The following PCCA variants were observed in gnomAD, a reference collection of about 807,000 sequenced individuals.
PCCA encodes propionyl-CoA carboxylase subunit alpha.
PCCA carries 74 observed loss-of-function variants against 101.3 expected under a neutral mutation model. The observed-to-expected ratio is 0.73, with a 90% CI of 0.61 to 0.89. The LOEUF is 0.89. PCCA is among the 40% of genes least tolerant of loss of function. PCCA has a pLI of 0.00. For missense variants in PCCA, 891 were observed against 907.0 expected (o/e 0.98, Z 0.23); for synonymous variants, 294 against 313.6 (o/e 0.94, Z 0.66).
At chr13:100,127,065 C>T (rs2050024193) in intron 4 of PCCA, among the ~76,000 whole-genome samples, 1 of 152,190 alleles carries the variant, frequency 6.6e-6, no homozygotes, top group Non-Finnish European at 1.5e-5. Flanking sequence ...GGACTGATAG[C>T]TTAAGCCACC....
chr13:100,148,787 A>T (rs1268375490), intron 4 of PCCA, among the ~76,000 whole-genome samples: 1 of 152,212 alleles, frequency 6.6e-6, no homozygotes, highest in Admixed American at 6.5e-5. Context: ...TGAAAACAGG[A>T]TTGTAGAAAA....
chr13:100,485,504 G>GT (rs2084305858), intron 21 of PCCA, among the ~76,000 whole-genome samples: 1 of 152,246 alleles, frequency 6.6e-6, no homozygotes, highest in South Asian at 2.1e-4. Flanking sequence ...TAGGTCAATT[G>GT]TAAGAGGAGT....
intron 12 of PCCA, among the ~76,000 whole-genome samples, chr13:100,284,581 C>T (rs894261755): frequency 1.1e-4 from 16 of 152,352 alleles, no homozygotes; most frequent in Non-Finnish European, 1.6e-4. Flanking sequence ...AGTACAAAAA[C>T]TGAACGGTCA....
rs181512196 is a variant in PCCA at position 100,503,783 on chromosome 13, C to T, written c.1900-11644C>T. Among the ~76,000 whole-genome samples the T allele has an allele frequency of 2.0e-5, 3 of 152,202 alleles. No individual in the cohort carries two copies. In the East Asian group the frequency reaches 5.8e-4, roughly 29 times the overall value. ...ATTAGCCGGGCATGGTGGCATGTGC[C>T]TATGGTCTCAGCTACTTGGGAGACT... On this transcript the variant is annotated intron_variant, in intron 21 of 23. Transcript: ENST00000376285.
intron 20 of PCCA, among the ~76,000 whole-genome samples, chr13:100,437,616 C>G (rs2080037372): frequency 6.6e-6 from 1 of 151,624 alleles, no homozygotes. Flanking sequence ...ATAGCCTTAT[C>G]TAATAGAAGG....
At chr13:100,419,463 CTT>C (rs2078602443) in intron 19 of PCCA, among the ~76,000 whole-genome samples, 2 of 140,704 alleles carry the variant, frequency 1.4e-5, no homozygotes, top group East Asian at 2.0e-4. Context: ...CAGAGCGAGA[CTT>C]TGTCTCAAAA....
rs2053259625 is a variant in PCCA at position 100,151,116 on chromosome 13, C to T, written c.301-3863C>T. 3.4e-6 allele frequency: 4 copies of T among 1,180,326 alleles called. No homozygotes were observed. The South Asian group carries it at 3.9e-5, about 12-fold the overall frequency. 73.1% of individuals were successfully genotyped at this position (1,180,326 alleles called of 1,614,324 possible). A position where few individuals can be genotyped will look rare whatever the true frequency, so the allele number is the denominator to read the frequency against. The stretch of plus-strand genomic sequence containing the variant: ...CCCATCTTGGCTTACCTGATGGCTG[C>T]TGCCAGACGGAAGAAAAGAAGTTTA... On this transcript the variant is annotated intron_variant, in intron 4 of 23. Transcript: ENST00000376285.
chr13:100,387,064 G>A (rs1400621642), intron 19 of PCCA, among the ~76,000 whole-genome samples: 2 of 152,188 alleles, frequency 1.3e-5, no homozygotes, highest in Admixed American at 6.5e-5. Context: ...CAGAAAAGCA[G>A]CTGGCTCATT....
Position 100,449,741 on chromosome 13 carries a change from C to T in PCCA, c.1899+436C>T, listed in dbSNP as rs576766961. Among the ~76,000 whole-genome samples the T allele has an allele frequency of 1.2e-4, 19 of 152,316 alleles. No homozygotes were observed. In the South Asian group the frequency reaches 2.7e-3, roughly 22 times the overall value. ...CTGGCCTCAAGTGATCCATCCACCT[C>T]GGCTTCCCAAAGTGCGGGATTACAT... On this transcript the variant is annotated intron_variant, in intron 21 of 23. Transcript: ENST00000376285.
intron 21 of PCCA, 81 bp downstream of exon 21, chr13:100,449,386 G>T: frequency 2.5e-6 from 2 of 804,430 alleles, no homozygotes; most frequent in Non-Finnish European, 4.0e-6. Flanking sequence ...GTTTGAACTT[G>T]GCTTCATTAC....
chr13:100,444,721 G>A (rs1450131647), intron 20 of PCCA, among the ~76,000 whole-genome samples: 2 of 152,004 alleles, frequency 1.3e-5, no homozygotes, highest in Non-Finnish European at 2.9e-5. Flanking sequence ...GATTACAGGC[G>A]TGAGCCACTG....
chr13:100,419,711 C>T (rs1054626797), intron 19 of PCCA, among the ~76,000 whole-genome samples: 4 of 151,902 alleles, frequency 2.6e-5, no homozygotes, highest in Admixed American at 6.6e-5. Context: ...TGGAGAACAG[C>T]GAAGTTAAAA....
At chr13:100,502,048 T>G (rs2152989095) in intron 21 of PCCA, among the ~76,000 whole-genome samples, 1 of 152,298 alleles carries the variant, frequency 6.6e-6, no homozygotes, top group East Asian at 1.9e-4. Context: ...CCAGTGCCTC[T>G]TCTGCTGATT....
At chr13:100,231,148 C>G (rs2060445713) in intron 7 of PCCA, among the ~76,000 whole-genome samples, 3 of 152,182 alleles carry the variant, frequency 2.0e-5, no homozygotes. Context: ...TAACATGCAC[C>G]ACATAATCAT....
intron 21 of PCCA, among the ~76,000 whole-genome samples, chr13:100,470,952 T>G (rs117633081): frequency 0.013 from 1,956 of 152,366 alleles, 21 homozygotes; most frequent in Non-Finnish European, 0.02. Flanking sequence ...CTTTTAATTT[T>G]CTTCAAGACA....
At chr13:100,472,923 A>G (rs1303335581) in intron 21 of PCCA, among the ~76,000 whole-genome samples, 1 of 152,164 alleles carries the variant, frequency 6.6e-6, no homozygotes, top group Non-Finnish European at 1.5e-5. Flanking sequence ...CCTAGAAGTA[A>G]CCAGATTTTA....
chr13:100,376,770 C>A (rs1314341665), intron 19 of PCCA, among the ~76,000 whole-genome samples: 1 of 152,180 alleles, frequency 6.6e-6, no homozygotes, highest in Non-Finnish European at 1.5e-5. Context: ...CTGAGCAAGA[C>A]CACTTGGCTC....
rs117442177 is a variant in PCCA, at chr13:100,206,626, A to G, written c.469-2706A>G. On this transcript the variant is annotated intron_variant, in intron 6 of 23. Transcript: ENST00000376285. ...CAAAAACTAACAGTTGTGGCACTCAACTTGGTGCTTTATATTATTATTGAT... is the reference window on the plus strand; with the variant it reads ...CAAAAACTAACAGTTGTGGCACTCAGCTTGGTGCTTTATATTATTATTGAT... Among the ~76,000 whole-genome samples the G allele has an allele frequency of 8.9e-3, 1,353 of 152,246 alleles. 64 individuals are homozygous for G. The highest frequency in any genetic ancestry group is 0.067 in the Admixed American group (1,018 of 15,286).
At chr13:100,249,721 C>T (rs117968851) in intron 8 of PCCA, among the ~76,000 whole-genome samples, 115 of 152,262 alleles carry the variant, frequency 7.6e-4, no homozygotes, top group Middle Eastern at 3.4e-3. Context: ...TTGATTATCT[C>T]TACATTTAGA....
Sources: allele counts gnomAD v4.1 joint callset (sites outside exome capture counted in the v4.1 genomes callset), GRCh38; gene constraint gnomAD v4.1.1; transcripts MANE v1.5; gene names NCBI Gene and HGNC (gene_info 2026-07-23, HGNC 2026-07-21).